The following ITPR2 variants were observed in gnomAD, a reference collection of about 807,000 sequenced individuals.
ITPR2 encodes inositol 1,4,5-trisphosphate receptor type 2.
In ITPR2, 207 loss-of-function variants were observed where a neutral mutation model predicts 317.1. That is an observed-to-expected ratio of 0.65 (90% CI 0.58 to 0.73). The LOEUF is 0.73. ITPR2 is among the 30% of genes least tolerant of loss of function. The pLI is 0.00. For synonymous variants in ITPR2, 1,156 were observed against 1,149.1 expected, an observed-to-expected ratio of 1.01 and a Z score of -0.12; for missense variants, 2,613 against 3,284.0, an observed-to-expected ratio of 0.80 and a Z score of 4.99.
Position 26,832,930 on chromosome 12 carries a change from C to T in ITPR2, c.-149G>A. Reference sequence around the variant, plus strand: ...GGAGGGCACGGCCCGAGCCACTGAGCGTCGCGGCTCAGCCGTGCGTGCGCG... The same window carrying T: ...GGAGGGCACGGCCCGAGCCACTGAGTGTCGCGGCTCAGCCGTGCGTGCGCG... On this transcript the variant is annotated 5_prime_UTR_variant, in exon 1 of 57. Coordinates refer to ENST00000381340, the MANE Select transcript of ITPR2 (RefSeq NM_002223.4). 1 of 634,388 alleles carries T rather than the reference C, an allele frequency of 1.6e-6. No individual in the cohort carries two copies. Among genetic ancestry groups the T allele is most frequent in the Non-Finnish European group, 2.7e-6 (1 of 370,416 alleles). 39.3% of individuals were successfully genotyped at this position (634,388 alleles called of 1,614,324 possible). A position where few individuals can be genotyped will look rare whatever the true frequency, so the allele number is the denominator to read the frequency against.
chr12:26,672,517 A>C (rs1382316967), intron 13 of ITPR2, among the ~76,000 whole-genome samples: 1 of 151,488 alleles, frequency 6.6e-6, no homozygotes, highest in East Asian at 1.9e-4. Flanking sequence ...ACAAAGACAC[A>C]ACATACCAGA....
chr12:26,492,459 CAAA>C lies in ITPR2; in HGVS notation c.5370+1691_5370+1693del, dbSNP rs11300033. On this transcript the variant is annotated intron_variant, in intron 39 of 56. Transcript: ENST00000381340. ...GATATCTTCTAGAGATGCCCCCCAC[CAAA>C]AAAAAAAAAAAAATCCTTCACTTCT... Among the ~76,000 whole-genome samples the C allele has an allele frequency of 1.5e-3, 220 of 142,546 alleles. 1 individual carries two copies. Among genetic ancestry groups the C allele is most frequent in the African/African-American group, 4.7e-3 (180 of 37,906 alleles). The allele number at this position is 142,546 out of a possible 152,430, so 93.5% of individuals were successfully genotyped here.
Position 26,605,128 on chromosome 12 carries a change from T to A in ITPR2, c.3463-2422A>T, listed in dbSNP as rs56330871. The stretch of plus-strand genomic sequence containing the variant: ...AAAAATAAAAAATAAAAAATAAAAA[T>A]ATATATATATATATGAGAAAGTGTT... On this transcript the variant is annotated intron_variant, in intron 26 of 56. Transcript: ENST00000381340. Among the ~76,000 whole-genome samples the A allele has an allele frequency of 8.1e-3, 836 of 103,032 alleles. 23 individuals carry two copies. Among genetic ancestry groups the A allele is most frequent in the African/African-American group, 0.021 (751 of 36,434 alleles). 67.6% of individuals were successfully genotyped at this position (103,032 alleles called of 152,430 possible).
chr12:26,474,324 G>T (rs1040788779), intron 45 of ITPR2, among the ~76,000 whole-genome samples: 4 of 152,134 alleles, frequency 2.6e-5, no homozygotes, highest in Non-Finnish European at 5.9e-5. Flanking sequence ...TAAAAACAAA[G>T]GAGCTATCAT....
At chr12:26,577,256 A>G (rs1464499111) in intron 34 of ITPR2, among the ~76,000 whole-genome samples, 1 of 152,244 alleles carries the variant, frequency 6.6e-6, no homozygotes, top group Non-Finnish European at 1.5e-5. Flanking sequence ...CCAAGCTGCA[A>G]AAGGACAGCA....
intron 40 of ITPR2, 51 bp from the exon 41 acceptor site, chr12:26,486,411 A>T: frequency 8.1e-7 from 1 of 1,237,298 alleles, no homozygotes; most frequent in Non-Finnish European, 1.1e-6. Flanking sequence ...GCTTTTACTA[A>T]TTAAAAAAAA....
chr12:26,774,301 A>C (rs1949920455), intron 2 of ITPR2, among the ~76,000 whole-genome samples: 1 of 152,166 alleles, frequency 6.6e-6, no homozygotes, highest in Non-Finnish European at 1.5e-5. Flanking sequence ...AAGACACTGA[A>C]AAAGCATCTG....
In ITPR2 at chr12:26,573,240, G is replaced by C. The variant is rs868211318; in HGVS notation, c.4630+5473C>G. ...TGGGATTGTAGGCATGAGCTATCCT[G>C]CCTGGCTGAAACTTGGATTTCAAAC... On this transcript the variant is annotated intron_variant, in intron 34 of 56. Transcript: ENST00000381340. Among the ~76,000 whole-genome samples the C allele has an allele frequency of 2.6e-5, 4 of 151,962 alleles. No individual in the cohort carries two copies. The East Asian group carries it at 7.7e-4, about 29-fold the overall frequency.
At chr12:26,365,496 C>A (rs1023158376) in intron 55 of ITPR2, among the ~76,000 whole-genome samples, 2 of 151,892 alleles carry the variant, frequency 1.3e-5, no homozygotes, top group African/African-American at 4.8e-5. Flanking sequence ...CACATGACAC[C>A]CTAGAAATGT....
intron 40 of ITPR2, 116 bp downstream of exon 40, chr12:26,486,952 C>T (rs751814164): frequency 2.8e-6 from 3 of 1,067,306 alleles, no homozygotes; most frequent in East Asian, 2.4e-5. Flanking sequence ...ATGATCAGAG[C>T]CACAGTGGGG....
intron 9 of ITPR2, among the ~76,000 whole-genome samples, chr12:26,701,086 A>G (rs993810549): frequency 1.3e-5 from 2 of 152,214 alleles, no homozygotes; most frequent in Non-Finnish European, 2.9e-5. Context: ...ATCTTTGAAG[A>G]CAGTCTTCAA....
intron 37 of ITPR2, among the ~76,000 whole-genome samples, chr12:26,513,106 G>A (rs911451122): frequency 5.3e-5 from 8 of 152,094 alleles, no homozygotes; most frequent in Non-Finnish European, 1.0e-4. Flanking sequence ...CTCCCAAAGT[G>A]CTGGGATTAC....
chr12:26,465,816 C>A (rs532988395), intron 45 of ITPR2, among the ~76,000 whole-genome samples: 2 of 152,192 alleles, frequency 1.3e-5, no homozygotes, highest in South Asian at 4.2e-4. Context: ...CCCTACCCAC[C>A]CCACAACTGC....
At chr12:26,617,703 A>G (rs11615305) in intron 26 of ITPR2, among the ~76,000 whole-genome samples, 14,499 of 80,538 alleles carry the variant, frequency 0.18, 649 homozygotes, top group East Asian at 0.37. Context: ...AAGGAAGGAG[A>G]GAAGGAAGGA....
intron 55 of ITPR2, among the ~76,000 whole-genome samples, chr12:26,350,424 C>T (rs970326831): frequency 2.0e-5 from 3 of 152,238 alleles, no homozygotes; most frequent in Non-Finnish European, 4.4e-5. Flanking sequence ...TGTACTAGCC[C>T]TCATCTGCAA....
At chr12:26,797,848 C>T (rs898156711) in intron 1 of ITPR2, among the ~76,000 whole-genome samples, 4 of 151,780 alleles carry the variant, frequency 2.6e-5, no homozygotes, top group African/African-American at 9.7e-5. Flanking sequence ...CACACTACCA[C>T]ACCCGGCTAA....
chr12:26,779,638 C>T (rs1207753005), intron 2 of ITPR2, among the ~76,000 whole-genome samples: 1 of 152,186 alleles, frequency 6.6e-6, no homozygotes, highest in Non-Finnish European at 1.5e-5. Context: ...TAGTTATGCC[C>T]AATATGCAGG....
chr12:26,386,537 C>T (rs1939668259), intron 55 of ITPR2, among the ~76,000 whole-genome samples: 1 of 152,088 alleles, frequency 6.6e-6, no homozygotes, highest in Non-Finnish European at 1.5e-5. Flanking sequence ...GATAAGTTTG[C>T]TGACATTTCA....
intron 21 of ITPR2, among the ~76,000 whole-genome samples, chr12:26,644,306 T>C (rs1947060666): frequency 6.6e-6 from 1 of 151,968 alleles, no homozygotes; most frequent in African/African-American, 2.4e-5. Flanking sequence ...GGGAGTTGAG[T>C]GGGGAGGAGC....
Sources: allele counts gnomAD v4.1 joint callset (sites outside exome capture counted in the v4.1 genomes callset), GRCh38; gene constraint gnomAD v4.1.1; transcripts MANE v1.5; gene names NCBI Gene and HGNC (gene_info 2026-07-23, HGNC 2026-07-21).